Variants in SYTL2 observed in about 807,000 individuals in gnomAD.
SYTL2 encodes the protein synaptotagmin like 2.
A neutral mutation model predicts 198.7 loss-of-function variants in SYTL2; 165 were observed. The ratio of observed to expected loss-of-function variants is 0.83; its 90% CI spans 0.73 to 0.94. The LOEUF (loss-of-function observed/expected upper bound fraction) is 0.94, where lower values mean the gene tolerates loss of function less well. Among genes scored for constraint, SYTL2 ranks in the 40% least tolerant of loss-of-function variants. The pLI, the probability that SYTL2 is intolerant of heterozygous loss-of-function variation, is 0.00. For synonymous variants in SYTL2, 966 were observed against 917.7 expected (o/e 1.05, Z -0.95); for missense variants, 2,835 against 2,582.8 (o/e 1.10, Z -2.12).
At chr11:85,714,746 A>G (rs1401313300) in intron 11 of SYTL2, 4 of 1,109,334 alleles carry the variant, frequency 3.6e-6, no homozygotes, top group East Asian at 9.3e-5. Flanking sequence ...TAATTTTAAA[A>G]ACATTAGTTT....
At position 85,714,742 on chromosome 11, in the gene SYTL2, T is replaced by A. The variant is rs1043369371; in HGVS notation, c.5531-235A>T. The A allele has an allele frequency of 7.2e-6, 8 of 1,118,074 alleles. No homozygotes were observed. The African/African-American group carries it at 9.8e-5, about 14-fold the overall frequency. The allele number at this position is 1,118,074 out of a possible 1,614,324, so 69.3% of individuals were successfully genotyped here. Reference sequence around the variant, plus strand: ...ACCAAATACAAAACAAAGTTAATTTTAAAAACATTAGTTTTTATTGAACTG... The same window carrying A: ...ACCAAATACAAAACAAAGTTAATTTAAAAAACATTAGTTTTTATTGAACTG... On this transcript the variant is annotated intron_variant, in intron 11 of 19. Coordinates refer to ENST00000359152, the MANE Select transcript of SYTL2 (RefSeq NM_206927.4).
intron 1 of SYTL2, among the ~76,000 whole-genome samples, chr11:85,778,711 T>A (rs1386237091): frequency 6.6e-6 from 1 of 152,236 alleles, no homozygotes; most frequent in East Asian, 1.9e-4. Context: ...GTGCAGTGGC[T>A]CACACTTGTA....
At chr11:85,806,984 G>A (rs547292709) in intron 1 of SYTL2, among the ~76,000 whole-genome samples, 11 of 152,386 alleles carry the variant, frequency 7.2e-5, no homozygotes, top group African/African-American at 2.4e-4. Context: ...CCAGGAGCAC[G>A]GCGTATGCCT....
intron 19 of SYTL2, 117 bp downstream of exon 19, chr11:85,696,066 G>A: frequency 1.3e-6 from 1 of 771,096 alleles, no homozygotes; most frequent in Non-Finnish European, 2.2e-6. Flanking sequence ...ATACTTAAGA[G>A]ATATCTGTTT....
At chr11:85,789,820 C>T (rs185343432) in intron 1 of SYTL2, among the ~76,000 whole-genome samples, 72 of 152,102 alleles carry the variant, frequency 4.7e-4, no homozygotes, top group Middle Eastern at 3.4e-3. Context: ...TATATGCTTG[C>T]TTGGTTTAGA....
At chr11:85,752,087 TCAGCTTC>T (rs1371546600) in intron 2 of SYTL2, among the ~76,000 whole-genome samples, 1 of 152,202 alleles carries the variant, frequency 6.6e-6, no homozygotes, top group East Asian at 1.9e-4. Context: ...TATGTACACC[TCAGCTTC>T]CAGCTACTCA....
At chr11:85,771,228 T>C (rs1490137443) in intron 1 of SYTL2, among the ~76,000 whole-genome samples, 1 of 152,138 alleles carries the variant, frequency 6.6e-6, no homozygotes, top group Non-Finnish European at 1.5e-5. Flanking sequence ...CGGTGTAGTC[T>C]AAGGATGGTT....
At chr11:85,722,170 ATTTTTTTTTTTTT>A (rs574669583) in intron 8 of SYTL2, among the ~76,000 whole-genome samples, 2 of 94,634 alleles carry the variant, frequency 2.1e-5, no homozygotes, top group African/African-American at 4.6e-5. Flanking sequence ...TGTTTAGGTG[ATTTTTTTTTTTTT>A]TTTTTTTTTT....
intron 1 of SYTL2, among the ~76,000 whole-genome samples, chr11:85,784,517 A>C (rs549615037): frequency 1.2e-3 from 190 of 152,306 alleles, no homozygotes; most frequent in African/African-American, 4.4e-3. Context: ...ATAGAAGAGA[A>C]GAAGAAAAAC....
At chr11:85,841,810 CT>C in the SYTL2 span, among the ~76,000 whole-genome samples, 2 of 152,076 alleles carry the variant, frequency 1.3e-5, no homozygotes, top group African/African-American at 4.8e-5. Flanking sequence ...ACATGTACCC[CT>C]GAACTTAAAA....
At chr11:85,706,039 T>A (rs1237131620) in intron 15 of SYTL2, among the ~76,000 whole-genome samples, 1 of 152,204 alleles carries the variant, frequency 6.6e-6, no homozygotes, top group East Asian at 1.9e-4. Flanking sequence ...CTGTTAGTCA[T>A]GACTAAGGCA....
rs1282965954 is a variant in SYTL2 at position 85,724,537 on chromosome 11, T to A, written c.4821A>T (p.Thr1607=). The A allele has an allele frequency of 1.2e-6, 2 of 1,613,910 alleles. No homozygotes were observed. Among genetic ancestry groups the A allele is most frequent in the African/African-American group, 2.7e-5 (2 of 74,954 alleles). The part of the protein sequence containing the change: ...SQSEQTRFLG[T]VPHFYRAASQ... Reference sequence around the variant, plus strand: ...AGGCTGCCCTGTAAAAATGGGGCACTGTCCCCAAGAACCTGGTCTGCTCTG... The same window carrying A: ...AGGCTGCCCTGTAAAAATGGGGCACAGTCCCCAAGAACCTGGTCTGCTCTG... The change falls in exon 8 of 20, where the codon ACA becomes ACT. Residue 1607 remains threonine (T), a synonymous_variant. Coordinates refer to ENST00000359152, the MANE Select transcript of SYTL2 (RefSeq NM_206927.4).
At chr11:85,723,074 C>T (rs1026281834) in intron 8 of SYTL2, among the ~76,000 whole-genome samples, 1 of 152,232 alleles carries the variant, frequency 6.6e-6, no homozygotes, top group African/African-American at 2.4e-5. Context: ...AAAACATTCT[C>T]TATCATTTCA....
rs1171082767 is a variant in SYTL2, at chr11:85,725,062, A to G, written c.4296T>C (p.Asp1432=). 2.5e-6 allele frequency: 4 copies of G among 1,614,186 alleles called. No individual in the cohort carries two copies. In the Admixed American group the frequency reaches 6.7e-5, roughly 27 times the overall value. ...CAGGAACTACATTGGAGGAATAAAAATCCTTCCTGTCTGGAACTATGGTGT... is the reference window on the plus strand; with the variant it reads ...CAGGAACTACATTGGAGGAATAAAAGTCCTTCCTGTCTGGAACTATGGTGT... ...TMDTIVPDRK[D]FYSSNVVPDK... The change falls in exon 8 of 20, where the codon GAT becomes GAC. Residue 1432 remains aspartate (D), a synonymous_variant. Coordinates refer to ENST00000359152, the MANE Select transcript of SYTL2 (RefSeq NM_206927.4).
At position 85,724,956 on chromosome 11, in the gene SYTL2, C is replaced by A. The variant is rs138026158; in HGVS notation, c.4402G>T (p.Val1468Phe). ...GGGAGGCCTTTGCCATATTGAGCAA[C>A]AATGGAAGCAAATGAGCTAAGCGTC... ...DQTLSSFASI[V>F]AQYGKGLPQE... The change falls in exon 8 of 20, where the codon GTT (valine) becomes TTT (phenylalanine). Residue 1468 changes from valine (V) to phenylalanine (F), a missense_variant. Val to Phe is a conservative substitution (Grantham distance 50, BLOSUM62 -1). Transcript: ENST00000359152. The A allele has an allele frequency of 4.8e-5, 77 of 1,613,580 alleles. No individual in the cohort carries two copies. The highest frequency in any genetic ancestry group is 6.0e-5 in the Non-Finnish European group (71 of 1,179,862).
At chr11:85,744,696 T>C (rs1004944228) in intron 4 of SYTL2, among the ~76,000 whole-genome samples, 2 of 152,176 alleles carry the variant, frequency 1.3e-5, no homozygotes, top group African/African-American at 2.4e-5. Context: ...TAGACCCTGA[T>C]TCAGTGACAT....
intron 1 of SYTL2, among the ~76,000 whole-genome samples, chr11:85,796,243 T>C (rs1253979654): frequency 1.3e-5 from 2 of 152,186 alleles, no homozygotes; most frequent in African/African-American, 4.8e-5. Context: ...ATCTAGGTTA[T>C]ATGGCATCAA....
intron 11 of SYTL2, 30 bp downstream of exon 11, chr11:85,717,453 G>A (rs2087496442): frequency 6.3e-7 from 1 of 1,590,076 alleles, no homozygotes; most frequent in Non-Finnish European, 8.6e-7. Context: ...GGAATGTTTA[G>A]TCATTTGTGA....
intron 7 of SYTL2, among the ~76,000 whole-genome samples, chr11:85,732,355 A>G (rs1351070368): frequency 6.6e-6 from 1 of 152,230 alleles, no homozygotes. Context: ...ATGCCCATCA[A>G]TGATAGACTG....
Sources: gnomAD v4.1 joint callset for allele counts (sites outside exome capture counted in the v4.1 genomes callset) on GRCh38, gnomAD v4.1.1 for gene constraint, MANE v1.5 for transcripts, NCBI Gene and HGNC (gene_info 2026-07-23, HGNC 2026-07-21) for gene names.